The following CPLANE1 variants were observed in gnomAD, a reference collection of about 807,000 sequenced individuals.
CPLANE1 encodes ciliogenesis and planar polarity effector 1.
CPLANE1 carries 263 observed loss-of-function variants against 362.5 expected under a neutral mutation model. The observed-to-expected ratio is 0.73, with a 90% CI of 0.66 to 0.80. The LOEUF (loss-of-function observed/expected upper bound fraction) is 0.80. Among genes scored for constraint, CPLANE1 ranks in the 30% least tolerant of loss-of-function variants. CPLANE1 has a pLI of 0.00. For missense variants in CPLANE1, 3,461 were observed against 3,793.4 expected (o/e 0.91, Z 2.30); for synonymous variants, 1,212 against 1,302.6 (o/e 0.93, Z 1.50).
chr5:37,224,224 ATGGCACATATTTT>A lies in CPLANE1; in HGVS notation c.2581+16_2581+28del. ...AGCTAAAAGGAGTCCTGCTAATATT[ATGGCACATATTTT>A]TTAACACTCTCTTACCTTTCTCTTC... On this transcript the variant is annotated intron_variant, in intron 14 of 52. Transcript: ENST00000651892. 6.9e-7 allele frequency: 1 copy of A among 1,444,132 alleles called. No homozygotes were observed. Among genetic ancestry groups the A allele is most frequent in the Non-Finnish European group, 9.5e-7 (1 of 1,056,738 alleles). The allele number at this position is 1,444,132 out of a possible 1,614,324, so 89.5% of individuals were successfully genotyped here. A position where few individuals can be genotyped will look rare whatever the true frequency, so the allele number is the denominator to read the frequency against.
chr5:37,170,404 C>A, intron 32 of CPLANE1, 73 bp from the exon 33 acceptor site: 1 of 1,372,014 alleles, frequency 7.3e-7, no homozygotes, highest in Non-Finnish European at 1.0e-6. Flanking sequence ...CAATAATCAT[C>A]TGAGTATTCT....
Position 37,173,959 on chromosome 5 carries a change from G to A in CPLANE1, c.5979-12C>T, listed in dbSNP as rs764523303. On this transcript the variant is annotated splice_polypyrimidine_tract_variant and intron_variant, in intron 31 of 52. Transcript: ENST00000651892. ...TAGAAATCTGTGCACTGCGTGGAAA[G>A]CATTTAAATAAAAAACATGCATTAA... is the stretch of plus-strand genomic sequence containing the variant. 6.3e-7 allele frequency: 1 copy of A among 1,597,194 alleles called. No individual in the cohort carries two copies. The highest frequency in any genetic ancestry group is 8.6e-7 in the Non-Finnish European group (1 of 1,169,522).
In CPLANE1 at chr5:37,173,809, A is replaced by G; in HGVS notation, c.6117T>C (p.Asp2039=). Residue 2039 remains aspartate (D), a synonymous_variant, in exon 32 of 53, where the codon GAT becomes GAC. Coordinates refer to ENST00000651892, the MANE Select transcript of CPLANE1 (RefSeq NM_001384732.1). ...GCATCTGCCTAACGGACTCCGAACA[A>G]TCTGGTAACTGAGCCGTGAATTCAT... The part of the protein sequence containing the change: ...QRNEFTAQLP[D]CSESVRQMLQ... 6.2e-7 allele frequency: 1 copy of G among 1,614,162 alleles called. No homozygotes were observed. Among genetic ancestry groups the G allele is most frequent in the Non-Finnish European group, 8.5e-7 (1 of 1,180,032 alleles).
chr5:37,103,911 G>C (rs1371009333), downstream of CPLANE1, among the ~76,000 whole-genome samples: 2 of 152,136 alleles, frequency 1.3e-5, no homozygotes, highest in African/African-American at 4.8e-5. Context: ...ATTTTGGCCT[G>C]TCTTGCTAGG....
At chr5:37,105,299 CAAAACAAAGACA>C (rs532292413), downstream of CPLANE1, among the ~76,000 whole-genome samples, 17 of 151,902 alleles carry the variant, frequency 1.1e-4, no homozygotes, top group African/African-American at 4.1e-4. Context: ...GATCCTGTCT[CAAAACAAAGACA>C]AAAACAAAAA....
chr5:37,105,204 G>A (rs942943610), downstream of CPLANE1, among the ~76,000 whole-genome samples: 1 of 152,130 alleles, frequency 6.6e-6, no homozygotes, highest in African/African-American at 2.4e-5. Flanking sequence ...GGTAGTCGAG[G>A]TGGGAGGATC....
At chr5:37,179,492 C>T (rs781537988) in intron 28 of CPLANE1, 49 bp from the exon 29 acceptor site, 1 of 1,298,054 alleles carries the variant, frequency 7.7e-7, no homozygotes, top group Non-Finnish European at 1.1e-6. Flanking sequence ...AAAAAATAAG[C>T]TATTGACTTT....
At chr5:37,142,923 G>A (rs1395039762) in intron 43 of CPLANE1, among the ~76,000 whole-genome samples, 2 of 152,292 alleles carry the variant, frequency 1.3e-5, no homozygotes, top group Admixed American at 1.3e-4. Flanking sequence ...CTACCTTCAT[G>A]TATCTTAGAG....
At position 37,168,785 on chromosome 5, in the gene CPLANE1, C is replaced by A. The variant is rs1436226793; in HGVS notation, c.7233+6G>T. ...GCTTTTGCATTACCATACAAAAATTCATTACCCTATTTTCTGGGGACAAAT... is the reference window on the plus strand; with the variant it reads ...GCTTTTGCATTACCATACAAAAATTAATTACCCTATTTTCTGGGGACAAAT... On this transcript the variant is annotated splice_donor_region_variant and intron_variant, in intron 34 of 52. Coordinates refer to ENST00000651892, the MANE Select transcript of CPLANE1 (RefSeq NM_001384732.1). 6.2e-7 allele frequency: 1 copy of A among 1,606,706 alleles called. No homozygotes were observed. Among genetic ancestry groups the A allele is most frequent in the East Asian group, 2.2e-5 (1 of 44,798 alleles).
intron 14 of CPLANE1, among the ~76,000 whole-genome samples, chr5:37,222,428 T>C (rs559344738): frequency 1.5e-4 from 23 of 152,136 alleles, no homozygotes; most frequent in Non-Finnish European, 2.2e-4. Flanking sequence ...CTAAAGATGA[T>C]GCAGCAGAAA....
rs1238926609 is a variant in CPLANE1, at chr5:37,157,886, A to C, written c.7813-18T>G. ...TGTCCAACCTGAGCCAAAACACATA[A>C]AACCAAAGAGGGTTACATTCTTTTT... On this transcript the variant is annotated intron_variant, in intron 39 of 52. Transcript: ENST00000651892. 2 of 1,542,064 alleles carry C rather than the reference A, an allele frequency of 1.3e-6. No individual in the cohort carries two copies. The highest frequency in any genetic ancestry group is 1.8e-6 in the Non-Finnish European group (2 of 1,128,048).
Position 37,138,607 on chromosome 5 carries a change from A to G in CPLANE1, c.8792+113T>C, listed in dbSNP as rs1768589939. ...ATAACAAAACATGAAAAAAAAATCTATTCTAAGCTTCAGATTTGTTTCATA... is the reference window on the plus strand; with the variant it reads ...ATAACAAAACATGAAAAAAAAATCTGTTCTAAGCTTCAGATTTGTTTCATA... On this transcript the variant is annotated intron_variant, in intron 46 of 52. Coordinates refer to ENST00000651892, the MANE Select transcript of CPLANE1 (RefSeq NM_001384732.1). The G allele has an allele frequency of 4.2e-6, 5 of 1,185,934 alleles. No individual in the cohort carries two copies. In the East Asian group the frequency reaches 9.5e-5, roughly 23 times the overall value. The allele number at this position is 1,185,934 out of a possible 1,614,324, so 73.5% of individuals were successfully genotyped here. A position where few individuals can be genotyped will look rare whatever the true frequency, so the allele number is the denominator to read the frequency against.
At chr5:37,164,070 C>A (rs1777596116) in intron 37 of CPLANE1, among the ~76,000 whole-genome samples, 1 of 152,136 alleles carries the variant, frequency 6.6e-6, no homozygotes, top group Non-Finnish European at 1.5e-5. Flanking sequence ...AAATTGTAAT[C>A]ATAAGTAAAG....
At chr5:37,116,501 A>T (rs1175276756) in intron 50 of CPLANE1, among the ~76,000 whole-genome samples, 7 of 149,180 alleles carry the variant, frequency 4.7e-5, no homozygotes, top group African/African-American at 1.7e-4. Flanking sequence ...AAAAAAAAAA[A>T]AAAAAAAAAA....
intron 44 of CPLANE1, chr5:37,139,970 C>T: frequency 5.1e-6 from 5 of 974,588 alleles, no homozygotes; most frequent in Non-Finnish European, 6.1e-6. Flanking sequence ...ATAAAATATA[C>T]ACAAACAAAA....
Position 37,180,903 on chromosome 5 carries a change from T to G in CPLANE1, c.5524A>C (p.Thr1842Pro). The G allele has an allele frequency of 6.2e-7, 1 of 1,614,138 alleles. No homozygotes were observed. Among genetic ancestry groups the G allele is most frequent in the Non-Finnish European group, 8.5e-7 (1 of 1,179,986 alleles). Residue 1842 changes from threonine to proline, a missense_variant, in exon 27 of 53, where the codon ACT (threonine) becomes CCT (proline). By Grantham distance (38) the Thr-to-Pro change is conservative. Transcript: ENST00000651892. ...GSVAVATPGG[T>P]EERNGQNKSC... ...TTATTCTGACCATTTCTTTCCTCAG[T>G]TCCACCTGGAGTTGCTACTGCAACT...
chr5:37,221,018 A>T (rs1384208850), intron 15 of CPLANE1, among the ~76,000 whole-genome samples: 2 of 152,210 alleles, frequency 1.3e-5, no homozygotes, highest in East Asian at 3.8e-4. Context: ...GGATTCTAAG[A>T]TTTAAAAACA....
intron 9 of CPLANE1, among the ~76,000 whole-genome samples, chr5:37,229,728 C>T (rs1797289936): frequency 6.6e-6 from 1 of 152,080 alleles, no homozygotes; most frequent in Admixed American, 6.5e-5. Flanking sequence ...TTACTGAGCA[C>T]TAACTTTATG....
chr5:37,247,189 T>C (rs1739973049), intron 2 of CPLANE1, among the ~76,000 whole-genome samples: 1 of 152,204 alleles, frequency 6.6e-6, no homozygotes, highest in Non-Finnish European at 1.5e-5. Context: ...TACTAACGTA[T>C]TGTGGCCCAT....
Sources: gnomAD v4.1 joint callset for allele counts (sites outside exome capture counted in the v4.1 genomes callset) on GRCh38, gnomAD v4.1.1 for gene constraint, MANE v1.5 for transcripts, NCBI Gene and HGNC (gene_info 2026-07-23, HGNC 2026-07-21) for gene names.